The following NRXN1 variants were observed in gnomAD, a reference collection of about 807,000 sequenced individuals.
NRXN1 encodes the protein neurexin 1.
A neutral mutation model predicts 150.9 loss-of-function variants in NRXN1; 39 were observed. The ratio of observed to expected loss-of-function variants is 0.26; its 90% CI spans 0.20 to 0.34. NRXN1 has a LOEUF of 0.34. NRXN1 is among the 10% of genes least tolerant of loss of function. NRXN1 has a pLI of 1.00. For missense variants in NRXN1, 1,815 were observed against 1,949.9 expected (o/e 0.93, Z 1.30); for synonymous variants, 924 against 757.0 (o/e 1.22, Z -3.62).
At chr2:50,218,490 C>CTTTTTTTTTTT (rs34919769) in intron 18 of NRXN1, among the ~76,000 whole-genome samples, 15 of 136,758 alleles carry the variant, frequency 1.1e-4, no homozygotes, top group Non-Finnish European at 1.4e-4. Flanking sequence ...TTAGCACCTT[C>CTTTTTTTTTTT]TTTTTTTTTT....
intron 5 of NRXN1, among the ~76,000 whole-genome samples, chr2:50,913,627 C>G (rs1684827289): frequency 6.6e-6 from 1 of 151,704 alleles, no homozygotes; most frequent in Non-Finnish European, 1.5e-5. Flanking sequence ...ATATTAGTCT[C>G]AGTTCATAGT....
chr2:50,590,716 C>G (rs62142317), intron 8 of NRXN1, among the ~76,000 whole-genome samples: 5,295 of 152,222 alleles, frequency 0.035, 127 homozygotes, highest in Non-Finnish European at 0.052. Context: ...GAGGATACAG[C>G]AAGAAGATGG....
chr2:50,807,272 G>A (rs1422619492), intron 5 of NRXN1, among the ~76,000 whole-genome samples: 1 of 151,936 alleles, frequency 6.6e-6, no homozygotes, highest in East Asian at 1.9e-4. Flanking sequence ...TTATGACCAG[G>A]GACAAGTTAA....
intron 18 of NRXN1, among the ~76,000 whole-genome samples, chr2:50,100,084 A>G (rs2152708938): frequency 6.6e-6 from 1 of 152,260 alleles, no homozygotes; most frequent in Non-Finnish European, 1.5e-5. Context: ...GATTTCCTTC[A>G]AAATTTAAAA....
rs541797690 is a variant in NRXN1, at chr2:50,868,368, G to A, written c.832+53501C>T. Among the ~76,000 whole-genome samples the A allele has an allele frequency of 2.2e-5, 3 of 139,482 alleles. No homozygotes were observed. In the East Asian group the frequency reaches 7.5e-4, roughly 35 times the overall value. 91.5% of individuals were successfully genotyped at this position (139,482 alleles called of 152,430 possible). On this transcript the variant is annotated intron_variant, in intron 5 of 22. Transcript: ENST00000401669. ...ATGTGTATACATGGACATAAATTGT[G>A]GAATAATAGACACTGGTGACTGGGA...
chr2:50,197,750 T>C (rs1475218165), intron 18 of NRXN1, among the ~76,000 whole-genome samples: 5 of 152,032 alleles, frequency 3.3e-5, no homozygotes, highest in Non-Finnish European at 1.5e-5. Context: ...CAGACACAAT[T>C]CTCCTCTGAG....
At chr2:50,245,497 T>C (rs565664372) in intron 17 of NRXN1, among the ~76,000 whole-genome samples, 1 of 152,006 alleles carries the variant, frequency 6.6e-6, no homozygotes, top group African/African-American at 2.4e-5. Context: ...ATTAAAGCTA[T>C]AGGCAGCAGG....
In NRXN1 at chr2:50,853,163, T is replaced by A. The variant is rs1474418966; in HGVS notation, c.832+68706A>T. ...ATTTTATTCTCTGCTATCTGAGGACTATCTGTATATATTGACTACTTGCAC... is the reference window on the plus strand; with the variant it reads ...ATTTTATTCTCTGCTATCTGAGGACAATCTGTATATATTGACTACTTGCAC... On this transcript the variant is annotated intron_variant, in intron 5 of 22. Transcript: ENST00000401669. Among the ~76,000 whole-genome samples the A allele has an allele frequency of 2.0e-5, 3 of 152,302 alleles. No individual in the cohort carries two copies. In the South Asian group the frequency reaches 6.2e-4, roughly 32 times the overall value.
At chr2:50,288,706 T>A (rs1333526126) in intron 17 of NRXN1, among the ~76,000 whole-genome samples, 1 of 152,038 alleles carries the variant, frequency 6.6e-6, no homozygotes, top group Admixed American at 6.6e-5. Context: ...TTATTCACTA[T>A]CACTAAAAAT....
chr2:49,992,367 G>A (rs991592383), intron 21 of NRXN1, among the ~76,000 whole-genome samples: 4 of 149,782 alleles, frequency 2.7e-5, no homozygotes, highest in East Asian at 4.0e-4. Flanking sequence ...GTGAAACTCC[G>A]TCTCTACTAA....
rs770089839 is a variant in NRXN1 at position 50,465,406 on chromosome 2, C to T, written c.3364+36G>A. The T allele has an allele frequency of 1.5e-5, 23 of 1,553,612 alleles. No individual in the cohort carries two copies. The South Asian group carries it at 1.8e-4, about 12-fold the overall frequency. ...GATATCAAACAGTAACTGGAAGCAA[C>T]GATGAGTATCAGTCCATACTCAGAG... On this transcript the variant is annotated intron_variant, in intron 17 of 22. Coordinates refer to ENST00000401669, the MANE Select transcript of NRXN1 (RefSeq NM_001330078.2).
intron 21 of NRXN1, among the ~76,000 whole-genome samples, chr2:50,015,745 C>A (rs1019887446): frequency 6.6e-6 from 1 of 152,006 alleles, no homozygotes; most frequent in Non-Finnish European, 1.5e-5. Context: ...ATGTGACAGA[C>A]AAAAAGAGAT....
chr2:49,973,652 G>C (rs1014896058), intron 21 of NRXN1: 2 of 352,406 alleles, frequency 5.7e-6, no homozygotes, highest in East Asian at 5.9e-5. Flanking sequence ...CACAAGTTTT[G>C]GTTGTTTTTG....
At chr2:51,020,581 C>T (rs1390452437) in intron 2 of NRXN1, among the ~76,000 whole-genome samples, 1 of 151,974 alleles carries the variant, frequency 6.6e-6, no homozygotes, top group East Asian at 1.9e-4. Flanking sequence ...ATATCTCCCA[C>T]AAATTTTTAA....
intron 21 of NRXN1, among the ~76,000 whole-genome samples, chr2:49,998,462 T>A (rs886707874): frequency 1.3e-5 from 2 of 152,176 alleles, no homozygotes; most frequent in African/African-American, 4.8e-5. Context: ...CTTTTTATAT[T>A]TTTTTAGAAA....
At chr2:50,607,850 AG>A (rs1677383955) in intron 8 of NRXN1, among the ~76,000 whole-genome samples, 1 of 152,150 alleles carries the variant, frequency 6.6e-6, no homozygotes, top group South Asian at 2.1e-4. Flanking sequence ...CAGAATCCAA[AG>A]CTTATTACTT....
At chr2:50,662,571 T>A (rs1181095839) in intron 5 of NRXN1, among the ~76,000 whole-genome samples, 1 of 144,420 alleles carries the variant, frequency 6.9e-6, no homozygotes, top group Non-Finnish European at 1.6e-5. Context: ...CTTAAAACAC[T>A]ATGAGTTTTT....
At chr2:50,399,332 C>G (rs1405157522) in intron 17 of NRXN1, among the ~76,000 whole-genome samples, 1 of 151,982 alleles carries the variant, frequency 6.6e-6, no homozygotes, top group Non-Finnish European at 1.5e-5. Flanking sequence ...CATTCTTGAT[C>G]AATATTTTCA....
chr2:50,501,394 T>TGTGTAA (rs1553706139), intron 13 of NRXN1, among the ~76,000 whole-genome samples: 1 of 94,476 alleles, frequency 1.1e-5, no homozygotes, highest in Non-Finnish European at 2.0e-5. Flanking sequence ...TATGTGTGTG[T>TGTGTAA]GTGTGAGTGT....
Sources: allele counts gnomAD v4.1 joint callset (sites outside exome capture counted in the v4.1 genomes callset), GRCh38; gene constraint gnomAD v4.1.1; transcripts MANE v1.5; gene names NCBI Gene and HGNC (gene_info 2026-07-23, HGNC 2026-07-21).